Variants in CUL3 observed in about 807,000 individuals in gnomAD.
CUL3 encodes the protein cullin 3.
Under a neutral mutation model 89.1 loss-of-function variants are expected in CUL3, and 19 were observed. The observed-to-expected ratio is 0.21, with a 90% CI of 0.15 to 0.31. The LOEUF is 0.31. CUL3 is among the 10% of genes least tolerant of loss of function. The pLI is 1.00. For missense variants in CUL3, 469 were observed against 942.3 expected, an observed-to-expected ratio of 0.50 and a Z score of 6.58; for synonymous variants, 351 against 308.4, an observed-to-expected ratio of 1.14 and a Z score of -1.45.
At chr2:224,506,784 G>GTTTT in intron 7 of CUL3, 74 bp downstream of exon 7, 1 of 1,300,384 alleles carries the variant, frequency 7.7e-7, no homozygotes, top group Non-Finnish European at 1.1e-6. Flanking sequence ...TACACAGCAT[G>GTTTT]GTAAAAGTGG....
At chr2:224,492,093 T>C (rs1692004858) in intron 13 of CUL3, among the ~76,000 whole-genome samples, 1 of 152,206 alleles carries the variant, frequency 6.6e-6, no homozygotes, top group Admixed American at 6.5e-5. Context: ...CTCTTTTGTA[T>C]TTTCCTTGCT....
At chr2:224,490,472 T>C (rs538344855) in intron 13 of CUL3, among the ~76,000 whole-genome samples, 2 of 151,964 alleles carry the variant, frequency 1.3e-5, no homozygotes, top group East Asian at 3.9e-4. Flanking sequence ...CAGCCAGGCA[T>C]TCGGGGCCCT....
chr2:224,531,397 A>G lies in CUL3; in HGVS notation c.378+4131T>C, dbSNP rs568409813. Among the ~76,000 whole-genome samples, 3 of 151,606 alleles carry G rather than the reference A, an allele frequency of 2.0e-5. No homozygotes were observed. In the Admixed American group the frequency reaches 2.0e-4, roughly 10 times the overall value. On this transcript the variant is annotated intron_variant, in intron 3 of 15. Coordinates refer to ENST00000264414, the MANE Select transcript of CUL3 (RefSeq NM_003590.5). ...GCCACTGTGCCTGGCCTAAAATAGCATATTTTTAATAAGCATTTTTAAAAA... is the reference window on the plus strand; with the variant it reads ...GCCACTGTGCCTGGCCTAAAATAGCGTATTTTTAATAAGCATTTTTAAAAA...
At chr2:224,544,107 T>A (rs1694212216) in intron 2 of CUL3, among the ~76,000 whole-genome samples, 1 of 152,224 alleles carries the variant, frequency 6.6e-6, no homozygotes, top group African/African-American at 2.4e-5. Context: ...TCACCTAACC[T>A]ATCTAGTCTG....
chr2:224,547,437 G>A (rs1694346566), intron 2 of CUL3, among the ~76,000 whole-genome samples: 1 of 152,012 alleles, frequency 6.6e-6, no homozygotes, highest in South Asian at 2.1e-4. Flanking sequence ...TTTTGGCTTT[G>A]CTCACATGAT....
At chr2:224,563,942 C>A (rs1385399026) in intron 1 of CUL3, among the ~76,000 whole-genome samples, 1 of 151,950 alleles carries the variant, frequency 6.6e-6, no homozygotes, top group Non-Finnish European at 1.5e-5. Context: ...AAGTTCTCTA[C>A]TTAATAAGGA....
At chr2:224,489,205 G>C (rs1202128719) in intron 13 of CUL3, among the ~76,000 whole-genome samples, 1 of 152,198 alleles carries the variant, frequency 6.6e-6, no homozygotes, top group Non-Finnish European at 1.5e-5. Flanking sequence ...CACAAGACAA[G>C]GATGCCCTCT....
At position 224,500,413 on chromosome 2, in the gene CUL3, T is replaced by C. The variant is rs1196104747; in HGVS notation, c.1560A>G (p.Pro520=). The C allele has an allele frequency of 3.1e-6, 5 of 1,613,992 alleles. No homozygotes were observed. The highest frequency in any genetic ancestry group is 1.3e-5 in the African/African-American group (1 of 74,914). ...TGYWPTQSAT[P]KCNIPPAPRH... The stretch of plus-strand genomic sequence containing the variant: ...TTGGTGCTGGTGGGATGTTGCACTT[T>C]GGTGTGGCTGACTGAGTGGGCCAAT... Residue 520 remains proline (P), a synonymous_variant, in exon 11 of 16, where the codon CCA becomes CCG. Transcript: ENST00000264414.
At chr2:224,487,398 C>T (rs1691766485) in intron 13 of CUL3, among the ~76,000 whole-genome samples, 1 of 138,860 alleles carries the variant, frequency 7.2e-6, no homozygotes, top group Non-Finnish European at 1.5e-5. Context: ...CACACACAGG[C>T]TCAAAATAAA....
At chr2:224,491,064 TCCTA>T (rs1277963389) in intron 13 of CUL3, among the ~76,000 whole-genome samples, 1 of 152,216 alleles carries the variant, frequency 6.6e-6, no homozygotes, top group Non-Finnish European at 1.5e-5. Flanking sequence ...CACTGAGCTT[TCCTA>T]CCTAAGACCC....
At chr2:224,544,759 A>G (rs1421118142) in intron 2 of CUL3, among the ~76,000 whole-genome samples, 1 of 150,676 alleles carries the variant, frequency 6.6e-6, no homozygotes, top group Non-Finnish European at 1.5e-5. Context: ...TTACTAGATA[A>G]AGTGAATCCC....
chr2:224,512,365 G>A (rs145111957), intron 5 of CUL3, among the ~76,000 whole-genome samples: 2,247 of 152,192 alleles, frequency 0.015, 57 homozygotes, highest in African/African-American at 0.051. Context: ...CAAAGTGCTG[G>A]GATTACAGGC....
intron 2 of CUL3, among the ~76,000 whole-genome samples, chr2:224,550,817 C>T (rs890673559): frequency 6.6e-5 from 10 of 152,070 alleles, no homozygotes; most frequent in African/African-American, 1.9e-4. Flanking sequence ...CTTCCTGGTC[C>T]CCTTATTTCA....
intron 2 of CUL3, among the ~76,000 whole-genome samples, chr2:224,545,140 T>C (rs1451193653): frequency 6.6e-6 from 1 of 152,210 alleles, no homozygotes; most frequent in Non-Finnish European, 1.5e-5. Flanking sequence ...AACAAGCTTC[T>C]ACTAAGGCCA....
At chr2:224,543,684 A>G (rs1694195331) in intron 2 of CUL3, among the ~76,000 whole-genome samples, 1 of 152,198 alleles carries the variant, frequency 6.6e-6, no homozygotes, top group Non-Finnish European at 1.5e-5. Context: ...TCAGCACTCA[A>G]AAAGTTTCGG....
At chr2:224,564,218 G>A (rs776607548) in intron 1 of CUL3, among the ~76,000 whole-genome samples, 1 of 152,232 alleles carries the variant, frequency 6.6e-6, no homozygotes, top group Non-Finnish European at 1.5e-5. Context: ...CCCAGGTGGA[G>A]GCTGCACTGA....
At position 224,579,264 on chromosome 2, in the gene CUL3, T is replaced by G. The variant is rs574708576; in HGVS notation, c.66+5680A>C. On this transcript the variant is annotated intron_variant, in intron 1 of 15. Coordinates refer to ENST00000264414, the MANE Select transcript of CUL3 (RefSeq NM_003590.5). ...AGTTTAAGTATAAGTAACACTTTAATGAATCTGTTTCACTTTGTTTCATAA... is the reference window on the plus strand; with the variant it reads ...AGTTTAAGTATAAGTAACACTTTAAGGAATCTGTTTCACTTTGTTTCATAA... 2.0e-5 allele frequency among the ~76,000 whole-genome samples: 3 copies of G among 152,356 alleles called. No individual in the cohort carries two copies. In the South Asian group the frequency reaches 6.2e-4, roughly 32 times the overall value.
intron 1 of CUL3, among the ~76,000 whole-genome samples, chr2:224,567,687 C>A (rs1432884774): frequency 6.6e-6 from 1 of 151,922 alleles, no homozygotes; most frequent in African/African-American, 2.4e-5. Flanking sequence ...TTGCAGTAAG[C>A]CGAGATTGTG....
intron 2 of CUL3, among the ~76,000 whole-genome samples, chr2:224,546,865 C>T (rs1055867573): frequency 6.6e-6 from 1 of 152,078 alleles, no homozygotes; most frequent in African/African-American, 2.4e-5. Flanking sequence ...GTTTTCCTGA[C>T]TCTCTAATAA....
Sources: gnomAD v4.1 joint callset for allele counts (sites outside exome capture counted in the v4.1 genomes callset) on GRCh38, gnomAD v4.1.1 for gene constraint, MANE v1.5 for transcripts, NCBI Gene and HGNC (gene_info 2026-07-23, HGNC 2026-07-21) for gene names.